CFAP299: variants seen among roughly 807,000 people sequenced by gnomAD.
The protein encoded by CFAP299 is cilia- and flagella-associated protein 299.
A neutral mutation model predicts 27.0 loss-of-function variants in CFAP299; 21 were observed. The observed-to-expected ratio is 0.78, with a 90% CI of 0.55 to 1.12. The LOEUF is 1.12. Among genes scored for constraint, CFAP299 ranks in the 50% most tolerant of loss-of-function variants. The pLI, the probability that CFAP299 is intolerant of heterozygous loss-of-function variation, is 0.00. For synonymous variants in CFAP299, 104 were observed against 98.1 expected (o/e 1.06, Z -0.36); for missense variants, 310 against 276.6 (o/e 1.12, Z -0.86).
At chr4:80,468,783 C>T (rs535311239) in intron 2 of CFAP299, among the ~76,000 whole-genome samples, 1 of 134,442 alleles carries the variant, frequency 7.4e-6, no homozygotes, top group African/African-American at 2.8e-5. Flanking sequence ...TGCAGTGAGC[C>T]AAGATCACAC....
intron 2 of CFAP299, among the ~76,000 whole-genome samples, chr4:80,440,704 T>C (rs539144078): frequency 2.6e-5 from 4 of 152,244 alleles, no homozygotes; most frequent in Admixed American, 6.5e-5. Context: ...GGACAAAGAA[T>C]GAATTTGATG....
At chr4:80,333,689 T>G (rs1269943849), upstream of CFAP299, among the ~76,000 whole-genome samples, 1 of 152,204 alleles carries the variant, frequency 6.6e-6, no homozygotes, top group Non-Finnish European at 1.5e-5. Flanking sequence ...TTCCTACATC[T>G]TGGGGTTTTA....
intron 3 of CFAP299, among the ~76,000 whole-genome samples, chr4:80,730,440 A>G (rs1157807930): frequency 1.3e-5 from 2 of 151,968 alleles, no homozygotes; most frequent in East Asian, 3.9e-4. Context: ...GCTCCCCCAG[A>G]GAGACCTATG....
rs564805707 is a variant in CFAP299 at position 80,732,295 on chromosome 4, G to T, written c.334-137698G>T. ...TTAAGAATCACACACCTTAAACTAC[G>T]AGTTTCTGCTTACTTTTTTCCAGAT... On this transcript the variant is annotated intron_variant, in intron 3 of 5. Transcript: ENST00000358105. Among the ~76,000 whole-genome samples, 153 of 35,904 alleles carry T rather than the reference G, an allele frequency of 4.3e-3. 1 individual carries two copies. Among genetic ancestry groups the T allele is most frequent in the African/African-American group, 0.013 (144 of 10,856 alleles). 23.6% of individuals were successfully genotyped at this position (35,904 alleles called of 152,430 possible). A position where few individuals can be genotyped will look rare whatever the true frequency, so the allele number is the denominator to read the frequency against.
chr4:80,572,579 G>T (rs189681689), intron 2 of CFAP299, among the ~76,000 whole-genome samples: 133 of 128,268 alleles, frequency 1.0e-3, no homozygotes, highest in African/African-American at 3.8e-3. Flanking sequence ...ATGTAATGGT[G>T]CTATCTCGAC....
intron 5 of CFAP299, among the ~76,000 whole-genome samples, chr4:80,948,635 T>A (rs1028252920): frequency 2.0e-5 from 3 of 151,916 alleles, no homozygotes; most frequent in Non-Finnish European, 2.9e-5. Context: ...GAACCACTAA[T>A]AAGGCAAGAA....
intron 5 of CFAP299, among the ~76,000 whole-genome samples, chr4:80,953,366 T>A (rs1332881687): frequency 6.6e-6 from 1 of 152,192 alleles, no homozygotes; most frequent in African/African-American, 2.4e-5. Context: ...AATGTTTGGT[T>A]GATTATAGCC....
intron 4 of CFAP299, among the ~76,000 whole-genome samples, chr4:80,901,842 A>G (rs541144347): frequency 6.6e-6 from 1 of 152,218 alleles, no homozygotes; most frequent in African/African-American, 2.4e-5. Context: ...TAAATCTCTT[A>G]AAGTTTTAGA....
intron 2 of CFAP299, among the ~76,000 whole-genome samples, chr4:80,445,698 CATT>C (rs1728585200): frequency 6.6e-6 from 1 of 151,994 alleles, no homozygotes; most frequent in African/African-American, 2.4e-5. Flanking sequence ...AAAGTATCAT[CATT>C]AAGCATAGTT....
intron 2 of CFAP299, among the ~76,000 whole-genome samples, chr4:80,436,023 C>T (rs557797764): frequency 5.3e-5 from 8 of 152,226 alleles, no homozygotes; most frequent in African/African-American, 1.9e-4. Flanking sequence ...TTGGAAGTTT[C>T]CTCTCTGTGG....
At chr4:80,780,373 C>G (rs1017041809) in intron 3 of CFAP299, among the ~76,000 whole-genome samples, 1 of 152,094 alleles carries the variant, frequency 6.6e-6, no homozygotes, top group Non-Finnish European at 1.5e-5. Flanking sequence ...TTCTCAGAGT[C>G]CCATCTTCAC....
At chr4:80,387,648 G>A (rs943239163) in intron 2 of CFAP299, 64 of 1,530,734 alleles carry the variant, frequency 4.2e-5, no homozygotes, top group Admixed American at 3.5e-4. Flanking sequence ...ATACCTTGTG[G>A]GTCTGCATGT....
chr4:80,623,951 C>T (rs969690581), intron 3 of CFAP299, among the ~76,000 whole-genome samples: 1 of 152,168 alleles, frequency 6.6e-6, no homozygotes, highest in Non-Finnish European at 1.5e-5. Context: ...GGCAGCAACC[C>T]AGTGCCATGC....
intron 3 of CFAP299, among the ~76,000 whole-genome samples, chr4:80,727,607 T>C (rs1237631988): frequency 6.6e-6 from 1 of 152,006 alleles, no homozygotes; most frequent in East Asian, 1.9e-4. Flanking sequence ...TTATACTACA[T>C]AGGAATGTTA....
intron 2 of CFAP299, among the ~76,000 whole-genome samples, chr4:80,559,626 T>C (rs1169678160): frequency 6.6e-6 from 1 of 152,130 alleles, no homozygotes; most frequent in Non-Finnish European, 1.5e-5. Flanking sequence ...CCCTCACCCC[T>C]GGCAGAAGCT....
At chr4:80,830,363 G>A (rs1392685424) in intron 3 of CFAP299, among the ~76,000 whole-genome samples, 1 of 152,072 alleles carries the variant, frequency 6.6e-6, no homozygotes, top group Non-Finnish European at 1.5e-5. Flanking sequence ...TATTCAAGGG[G>A]AAGAATAATC....
intron 2 of CFAP299, among the ~76,000 whole-genome samples, chr4:80,390,104 C>T (rs1725243915): frequency 6.6e-6 from 1 of 151,854 alleles, no homozygotes; most frequent in Non-Finnish European, 1.5e-5. Context: ...TTAACATTTC[C>T]ATCACAATAC....
intron 4 of CFAP299, among the ~76,000 whole-genome samples, chr4:80,877,559 C>T (rs894677158): frequency 1.3e-5 from 2 of 152,090 alleles, no homozygotes; most frequent in Non-Finnish European, 2.9e-5. Context: ...TCTGGATAAA[C>T]CTTAAGTGAA....
At chr4:80,458,809 C>G (rs1729297514) in intron 2 of CFAP299, among the ~76,000 whole-genome samples, 1 of 152,084 alleles carries the variant, frequency 6.6e-6, no homozygotes, top group African/African-American at 2.4e-5. Context: ...ATTAAGGATG[C>G]AGTTTGTTTG....
Sources: allele counts gnomAD v4.1 joint callset (sites outside exome capture counted in the v4.1 genomes callset), GRCh38; gene constraint gnomAD v4.1.1; transcripts MANE v1.5; gene names NCBI Gene and HGNC (gene_info 2026-07-23, HGNC 2026-07-21).